Variants in EPB41L4A observed in about 807,000 individuals in gnomAD.
The protein encoded by EPB41L4A is band 4.1-like protein 4A.
A neutral mutation model predicts 108.6 loss-of-function variants in EPB41L4A; 100 were observed. That is an observed-to-expected ratio of 0.92 (90% CI 0.78 to 1.09). EPB41L4A has a LOEUF of 1.09. EPB41L4A is among the 50% of genes least tolerant of loss of function. The probability of loss-of-function intolerance (pLI) is 0.00; values close to 1 mark genes in which losing one functional copy is unlikely to be tolerated. For synonymous variants in EPB41L4A, 319 were observed against 289.0 expected (o/e 1.10, Z -1.05); for missense variants, 1,030 against 842.7 (o/e 1.22, Z -2.75).
At chr5:112,325,196 C>G (rs1374880119) in intron 1 of EPB41L4A, among the ~76,000 whole-genome samples, 1 of 151,990 alleles carries the variant, frequency 6.6e-6, no homozygotes, top group East Asian at 1.9e-4. Flanking sequence ...AATCCCAGTA[C>G]TTTGGGAAGC....
intron 4 of EPB41L4A, among the ~76,000 whole-genome samples, chr5:112,274,471 C>G (rs1463611444): frequency 6.6e-6 from 1 of 152,092 alleles, no homozygotes; most frequent in Admixed American, 6.5e-5. Flanking sequence ...CTTCTGTGTG[C>G]AGTCCAGAAT....
intron 1 of EPB41L4A, among the ~76,000 whole-genome samples, chr5:112,344,481 C>G (rs1046571206): frequency 5.9e-5 from 9 of 152,222 alleles, no homozygotes; most frequent in African/African-American, 2.2e-4. Context: ...CTGACCAACT[C>G]TGATAACAGT....
At chr5:112,322,264 T>C (rs1381477718) in intron 1 of EPB41L4A, among the ~76,000 whole-genome samples, 1 of 152,166 alleles carries the variant, frequency 6.6e-6, no homozygotes. Flanking sequence ...GACAAGATCA[T>C]TGGAAACCAT....
At chr5:112,268,177 T>C (rs938438840) in intron 4 of EPB41L4A, among the ~76,000 whole-genome samples, 4 of 151,898 alleles carry the variant, frequency 2.6e-5, no homozygotes, top group African/African-American at 9.7e-5. Context: ...AGATCAGGAG[T>C]TCAACACCAG....
At chr5:112,410,122 T>C (rs940739787) in intron 1 of EPB41L4A, among the ~76,000 whole-genome samples, 19 of 151,954 alleles carry the variant, frequency 1.3e-4, no homozygotes, top group African/African-American at 4.6e-4. Flanking sequence ...GATACATCAC[T>C]CAAACAAAAG....
chr5:112,231,771 G>A (rs1474440446), intron 12 of EPB41L4A, among the ~76,000 whole-genome samples: 5 of 118,864 alleles, frequency 4.2e-5, no homozygotes, highest in Admixed American at 3.4e-4. Context: ...CGGCCTGGGC[G>A]ACAGAGCTAG....
At chr5:112,334,265 A>G (rs192799738) in intron 1 of EPB41L4A, among the ~76,000 whole-genome samples, 3 of 152,334 alleles carry the variant, frequency 2.0e-5, no homozygotes, top group Admixed American at 1.3e-4. Flanking sequence ...AAAGTATTTT[A>G]CCCCAAAATA....
intron 1 of EPB41L4A, chr5:112,392,913 A>C (rs892015093): frequency 1.3e-5 from 2 of 152,242 alleles, no homozygotes; most frequent in East Asian, 3.8e-4. Flanking sequence ...GTGCAATCAA[A>C]TTAGTATTCA....
At chr5:112,209,742 T>C (rs973356887) in intron 13 of EPB41L4A, 150 bp downstream of exon 13, 3 of 468,722 alleles carry the variant, frequency 6.4e-6, no homozygotes, top group African/African-American at 2.0e-5. Flanking sequence ...GGTGTTTTAA[T>C]GTATTATTTG....
At chr5:112,401,178 T>C (rs1284748067) in intron 1 of EPB41L4A, among the ~76,000 whole-genome samples, 1 of 152,160 alleles carries the variant, frequency 6.6e-6, no homozygotes, top group Non-Finnish European at 1.5e-5. Context: ...CACAGTAACC[T>C]GCAGAACCTG....
At chr5:112,404,999 C>G (rs1328837826) in intron 1 of EPB41L4A, among the ~76,000 whole-genome samples, 1 of 152,202 alleles carries the variant, frequency 6.6e-6, no homozygotes, top group Non-Finnish European at 1.5e-5. Flanking sequence ...ACTATGCAGT[C>G]TGTCTTCCAG....
intron 3 of EPB41L4A, among the ~76,000 whole-genome samples, chr5:112,276,274 C>CT (rs1419184066): frequency 2.6e-5 from 4 of 152,058 alleles, no homozygotes; most frequent in Admixed American, 6.5e-5. Flanking sequence ...TGCCTACAAA[C>CT]TTTTTTTTAA....
chr5:112,321,034 C>T (rs1307122514), intron 1 of EPB41L4A, among the ~76,000 whole-genome samples: 1 of 152,124 alleles, frequency 6.6e-6, no homozygotes, highest in South Asian at 2.1e-4. Flanking sequence ...TACAGGCCAT[C>T]GAGACTTCAG....
intron 1 of EPB41L4A, among the ~76,000 whole-genome samples, chr5:112,341,521 A>G (rs1476367941): frequency 6.6e-6 from 1 of 152,212 alleles, no homozygotes; most frequent in Non-Finnish European, 1.5e-5. Context: ...TCTGAAACCA[A>G]TTTCATAACC....
intron 11 of EPB41L4A, 148 bp from the exon 12 acceptor site, chr5:112,234,903 A>C: frequency 1.3e-6 from 1 of 799,970 alleles, no homozygotes. Context: ...TGCAATATTG[A>C]TCAAGGGAGT....
intron 2 of EPB41L4A, among the ~76,000 whole-genome samples, chr5:112,296,998 C>T (rs1754032521): frequency 6.6e-6 from 1 of 151,660 alleles, no homozygotes; most frequent in Admixed American, 6.6e-5. Context: ...CATACACACA[C>T]ACACACACAC....
intron 12 of EPB41L4A, among the ~76,000 whole-genome samples, chr5:112,150,802 G>T (rs960469704): frequency 1.3e-5 from 2 of 152,160 alleles, no homozygotes; most frequent in African/African-American, 4.8e-5. Context: ...GTTTCAAAGT[G>T]CTGAGAGAAT....
chr5:112,407,668 G>C (rs780191422), intron 1 of EPB41L4A, among the ~76,000 whole-genome samples: 10 of 152,072 alleles, frequency 6.6e-5, no homozygotes, highest in Non-Finnish European at 1.5e-4. Context: ...CTTCCACCAA[G>C]TGATTTACAG....
intron 1 of EPB41L4A, among the ~76,000 whole-genome samples, chr5:112,355,798 T>C (rs567464143): frequency 1.3e-5 from 2 of 152,150 alleles, no homozygotes; most frequent in Non-Finnish European, 2.9e-5. Context: ...ACACATTCTA[T>C]TTGCTTTTAC....
Sources: gnomAD v4.1 joint callset for allele counts (sites outside exome capture counted in the v4.1 genomes callset) on GRCh38, gnomAD v4.1.1 for gene constraint, MANE v1.5 for transcripts, NCBI Gene and HGNC (gene_info 2026-07-23, HGNC 2026-07-21) for gene names.